Variants in TCERG1L observed in about 807,000 individuals in gnomAD.
The protein encoded by TCERG1L is transcription elongation regulator 1-like protein.
A neutral mutation model predicts 56.3 loss-of-function variants in TCERG1L; 37 were observed. The observed-to-expected ratio is 0.66, with a 90% CI of 0.51 to 0.87. The LOEUF (loss-of-function observed/expected upper bound fraction) is 0.87, where lower values mean the gene tolerates loss of function less well. Among genes scored for constraint, TCERG1L ranks in the 40% least tolerant of loss-of-function variants. The pLI is 0.00. For synonymous variants in TCERG1L, 324 were observed against 326.3 expected (o/e 0.99, Z 0.08); for missense variants, 799 against 774.2 (o/e 1.03, Z -0.38).
chr10:131,110,914 G>A (rs61230445), intron 9 of TCERG1L, among the ~76,000 whole-genome samples: 4,215 of 131,952 alleles, frequency 0.032, 622 homozygotes, highest in South Asian at 0.051. Context: ...GACAGGACAC[G>A]ACTGGATTGG....
intron 4 of TCERG1L, among the ~76,000 whole-genome samples, chr10:131,258,309 CAA>C (rs1269902394): frequency 6.6e-6 from 1 of 152,236 alleles, no homozygotes; most frequent in East Asian, 1.9e-4. Flanking sequence ...CCATCTCCGT[CAA>C]GTCTTGGTTT....
intron 9 of TCERG1L, among the ~76,000 whole-genome samples, chr10:131,106,793 G>A (rs1845355822): frequency 6.6e-6 from 1 of 152,130 alleles, no homozygotes; most frequent in East Asian, 1.9e-4. Flanking sequence ...CTTCATAGAG[G>A]TACTATTTCA....
chr10:131,146,570 G>T lies in TCERG1L; in HGVS notation c.1125C>A (p.Asp375Glu). 1 of 1,613,964 alleles carries T rather than the reference G, an allele frequency of 6.2e-7. No individual in the cohort carries two copies. Among genetic ancestry groups the T allele is most frequent in the Non-Finnish European group, 8.5e-7 (1 of 1,179,870 alleles). ...SVWEKPMDLK[D>E]RGDLNRIIED... ...CAATGATCCTGTTGAGGTCTCCGCG[G>T]TCCTTCAGGTCCATGGGCTTCTCCC... The change falls in exon 7 of 12, where the codon GAC becomes GAA. Residue 375 changes from aspartate to glutamate, a missense_variant. Coordinates refer to ENST00000368642, the MANE Select transcript of TCERG1L (RefSeq NM_174937.4).
At chr10:131,202,592 A>T (rs1264149052) in intron 4 of TCERG1L, among the ~76,000 whole-genome samples, 1 of 152,162 alleles carries the variant, frequency 6.6e-6, no homozygotes, top group East Asian at 1.9e-4. Flanking sequence ...AAAAAAAAAT[A>T]AAAATAAAAA....
At chr10:131,220,590 C>T (rs1308789370) in intron 4 of TCERG1L, among the ~76,000 whole-genome samples, 2 of 148,702 alleles carry the variant, frequency 1.3e-5, no homozygotes, top group African/African-American at 5.1e-5. Context: ...GCATGGAGAC[C>T]CCATGGGAGC....
chr10:131,309,128 C>T (rs749104694), intron 2 of TCERG1L, 25 bp downstream of exon 2: 3 of 1,600,908 alleles, frequency 1.9e-6, no homozygotes, highest in Non-Finnish European at 2.6e-6. Context: ...AGCCCCTTAT[C>T]CAATTAAATC....
rs1030598269 is a variant in TCERG1L at position 131,118,247 on chromosome 10, C to T, written c.1260-1313G>A. The stretch of plus-strand genomic sequence containing the variant: ...GGGCCTCCTACATTCTGGGAGCTCC[C>T]TAAGTGCTCGGAGATGTAGGAATGG... On this transcript the variant is annotated intron_variant, in intron 8 of 11. Coordinates refer to ENST00000368642, the MANE Select transcript of TCERG1L (RefSeq NM_174937.4). The surrounding 1 kb of genome is among the most constrained non-coding windows in gnomAD (Gnocchi z 4.2). 6.6e-6 allele frequency among the ~76,000 whole-genome samples: 1 copy of T among 152,208 alleles called. No individual in the cohort carries two copies. Among genetic ancestry groups the T allele is most frequent in the Non-Finnish European group, 1.5e-5 (1 of 68,028 alleles).
intron 3 of TCERG1L, among the ~76,000 whole-genome samples, chr10:131,301,043 G>A (rs1846756956): frequency 6.6e-6 from 1 of 151,986 alleles, no homozygotes. Context: ...CCTTACCCCA[G>A]CTTTCAGCCA....
chr10:131,277,711 G>A (rs888245008), intron 3 of TCERG1L, among the ~76,000 whole-genome samples: 1 of 152,190 alleles, frequency 6.6e-6, no homozygotes, highest in Non-Finnish European at 1.5e-5. Flanking sequence ...TAAACACAGA[G>A]GCAGGCATGG....
intron 7 of TCERG1L, among the ~76,000 whole-genome samples, chr10:131,142,642 T>G (rs1407228180): frequency 6.6e-6 from 1 of 152,156 alleles, no homozygotes. Flanking sequence ...GTCACCTGTG[T>G]CCATCACAGG....
At chr10:131,268,059 CAGGG>C (rs1846304391) in intron 3 of TCERG1L, among the ~76,000 whole-genome samples, 1 of 152,122 alleles carries the variant, frequency 6.6e-6, no homozygotes, top group Non-Finnish European at 1.5e-5. Flanking sequence ...CTGTGGGGGG[CAGGG>C]AGGGATTCCC....
intron 4 of TCERG1L, among the ~76,000 whole-genome samples, chr10:131,226,171 G>A (rs1845789321): frequency 6.6e-6 from 1 of 152,130 alleles, no homozygotes; most frequent in Non-Finnish European, 1.5e-5. Flanking sequence ...GAACTCCTGG[G>A]CTCAAGCAAT....
chr10:131,244,971 A>G (rs906457267), intron 4 of TCERG1L, among the ~76,000 whole-genome samples: 3 of 152,188 alleles, frequency 2.0e-5, no homozygotes, highest in African/African-American at 7.2e-5. Flanking sequence ...TCAGTAACAT[A>G]GGCAGATGCT....
chr10:131,296,872 T>C lies in TCERG1L; in HGVS notation c.670+11339A>G, dbSNP rs193053080. Among the ~76,000 whole-genome samples the C allele has an allele frequency of 1.1e-3, 164 of 152,314 alleles. 1 individual carries two copies. The highest frequency in any genetic ancestry group is 8.7e-3 in the Admixed American group (133 of 15,304). On this transcript the variant is annotated intron_variant, in intron 3 of 11. Transcript: ENST00000368642. The stretch of plus-strand genomic sequence containing the variant: ...CAATTTTAAAGGTACTTGTATTTTA[T>C]TTTAACTTCCAATTGTTTATTACCA...
intron 6 of TCERG1L, among the ~76,000 whole-genome samples, chr10:131,157,803 A>C (rs1845939390): frequency 6.6e-6 from 1 of 152,182 alleles, no homozygotes; most frequent in Admixed American, 6.5e-5. Context: ...ATTTCCTTTA[A>C]CCTCCTTAAA....
chr10:131,287,251 T>C (rs1846555693), intron 3 of TCERG1L, among the ~76,000 whole-genome samples: 1 of 152,200 alleles, frequency 6.6e-6, no homozygotes, highest in African/African-American at 2.4e-5. Context: ...TCCATAGTTG[T>C]CATGGAATTC....
chr10:131,222,274 G>A (rs1845742016), intron 4 of TCERG1L, among the ~76,000 whole-genome samples: 1 of 152,270 alleles, frequency 6.6e-6, no homozygotes, highest in Admixed American at 6.5e-5. Context: ...ACATCTGACA[G>A]ATGCTTCAAA....
At chr10:131,303,067 G>T (rs1846782848) in intron 3 of TCERG1L, among the ~76,000 whole-genome samples, 1 of 151,954 alleles carries the variant, frequency 6.6e-6, no homozygotes, top group Non-Finnish European at 1.5e-5. Context: ...TTGCTATCAT[G>T]AACAGTGCTG....
intron 4 of TCERG1L, among the ~76,000 whole-genome samples, chr10:131,208,051 C>T (rs1053106818): frequency 2.0e-5 from 3 of 152,178 alleles, no homozygotes; most frequent in African/African-American, 7.2e-5. Flanking sequence ...AGCCCAACCA[C>T]AGAGAGGCCA....
Sources: gnomAD v4.1 joint callset for allele counts (sites outside exome capture counted in the v4.1 genomes callset) on GRCh38, gnomAD v4.1.1 for gene constraint, Gnocchi (gnomAD v3.1) non-coding constraint, MANE v1.5 for transcripts, NCBI Gene and HGNC (gene_info 2026-07-23, HGNC 2026-07-21) for gene names.